The following BAIAP2 variants were observed in gnomAD, a reference collection of about 807,000 sequenced individuals.
BAIAP2 encodes BAR/IMD domain containing adaptor protein 2.
In BAIAP2, 18 loss-of-function variants were observed where a neutral mutation model predicts 63.0. The ratio of observed to expected loss-of-function variants is 0.29; its 90% CI spans 0.20 to 0.42. The LOEUF is 0.42. BAIAP2 is among the 10% of genes least tolerant of loss of function. BAIAP2 has a pLI of 1.00. For missense variants in BAIAP2, 610 were observed against 734.3 expected (o/e 0.83, Z 1.96); for synonymous variants, 386 against 307.6 (o/e 1.25, Z -2.67).
chr17:81,106,828 C>T lies in BAIAP2; in HGVS notation c.1421C>T (p.Ala474Val). Residue 474 changes from alanine to valine, a missense_variant, in exon 12 of 14, where the codon GCC (alanine) becomes GTC (valine). Ala to Val is a moderately conservative substitution (Grantham distance 64). Around this residue, in one of 5 missense-constraint regions of BAIAP2, gnomAD observed 114 missense variants for 98.2 expected, o/e 1.16. Transcript: ENST00000428708. Reference sequence around the variant, plus strand: ...ATCCCACCCCCCGATTACGGCGCCGCCTCCCGGGCCTTCCCCGCCCAGACG... The same window carrying T: ...ATCCCACCCCCCGATTACGGCGCCGTCTCCCGGGCCTTCCCCGCCCAGACG... ...LAIPPPDYGA[A>V]SRAFPAQTAS... The T allele has an allele frequency of 6.2e-7, 1 of 1,611,524 alleles. No individual in the cohort carries two copies. Among genetic ancestry groups the T allele is most frequent in the Non-Finnish European group, 8.5e-7 (1 of 1,179,272 alleles).
At chr17:81,108,245 T>C (rs1485268953) in intron 12 of BAIAP2, 2 of 593,858 alleles carry the variant, frequency 3.4e-6, no homozygotes, top group East Asian at 5.6e-5. Flanking sequence ...AGGTGGCCGC[T>C]GGCTGGAGGA....
At chr17:81,037,106 C>A in intron 1 of BAIAP2, 1 of 728,032 alleles carries the variant, frequency 1.4e-6, no homozygotes, top group South Asian at 1.8e-5. Flanking sequence ...CAGGAAAACT[C>A]TTAGGACTGA....
At chr17:81,102,120 C>T (rs560352116) in intron 7 of BAIAP2, among the ~76,000 whole-genome samples, 42 of 152,304 alleles carry the variant, frequency 2.8e-4, no homozygotes, top group Non-Finnish European at 4.4e-4. Context: ...GGCCCCCGGG[C>T]GTGTGTGGAA....
intron 6 of BAIAP2, among the ~76,000 whole-genome samples, chr17:81,091,212 C>CCCCACCCCAT (rs61684148): frequency 6.7e-6 from 1 of 149,336 alleles, no homozygotes; most frequent in African/African-American, 2.5e-5. Context: ...CCCCACCCCA[C>CCCCACCCCAT]AGGCCTCCTA....
chr17:81,052,053 G>T (rs775438892), intron 1 of BAIAP2, among the ~76,000 whole-genome samples: 28 of 152,204 alleles, frequency 1.8e-4, no homozygotes, highest in Non-Finnish European at 3.8e-4. Context: ...GCTTCATGCA[G>T]CCGGGCCTCA....
chr17:81,090,864 A>C (rs982498211), intron 6 of BAIAP2, among the ~76,000 whole-genome samples: 2 of 151,944 alleles, frequency 1.3e-5, no homozygotes, highest in African/African-American at 4.8e-5. Context: ...GCTGGTTCCC[A>C]TTGCCTTTGC....
intron 5 of BAIAP2, 116 bp downstream of exon 5, chr17:81,085,841 C>A: frequency 1.3e-6 from 1 of 769,278 alleles, no homozygotes; most frequent in South Asian, 1.6e-5. Flanking sequence ...TCCCCGTCCA[C>A]ATGGGCCCCA....
At position 81,038,902 on chromosome 17, in the gene BAIAP2, G is replaced by GAC. The variant is rs1568054030; in HGVS notation, c.54+3594_54+3595insAC. Among the ~76,000 whole-genome samples the GAC allele has an allele frequency of 7.9e-5, 12 of 151,498 alleles. No individual in the cohort carries two copies. The East Asian group carries it at 1.4e-3, about 17-fold the overall frequency. On this transcript the variant is annotated intron_variant, in intron 1 of 13. Coordinates refer to ENST00000428708, the MANE Select transcript of BAIAP2 (RefSeq NM_001144888.2). ...GGCATTGGAGTCGCCTTCCTGGGTG[G>GAC]GGGGGGCAGCAGACCCGGCACCTGA... is the stretch of plus-strand genomic sequence containing the variant.
At chr17:81,090,592 C>G (rs2056550400) in intron 6 of BAIAP2, among the ~76,000 whole-genome samples, 1 of 152,238 alleles carries the variant, frequency 6.6e-6, no homozygotes, top group African/African-American at 2.4e-5. Context: ...GGGTGGGAAA[C>G]AGAGGGAGCC....
At chr17:81,109,526 A>G (rs2059641991) in intron 13 of BAIAP2, 1 of 985,360 alleles carries the variant, frequency 1.0e-6, no homozygotes, top group African/African-American at 1.7e-5. Context: ...CGGACAGGGA[A>G]GGTGCTGGGG....
rs371384882 is a variant in BAIAP2 at position 81,086,449 on chromosome 17, C to T, written c.358C>T (p.Leu120=). 1.2e-6 allele frequency: 2 copies of T among 1,613,806 alleles called. No individual in the cohort carries two copies. Among genetic ancestry groups the T allele is most frequent in the African/African-American group, 1.3e-5 (1 of 74,928 alleles). Residue 120 remains leucine, a synonymous_variant, in exon 6 of 14, where the codon CTG becomes TTG. Coordinates refer to ENST00000428708, the MANE Select transcript of BAIAP2 (RefSeq NM_001144888.2). ...TTTATTGTTTGAATCTCAGGCTGCG[C>T]TGAAGAAATACCAGACTGAGCAAAG... ...ELDSRYLSAA[L]KKYQTEQRSK...
At chr17:81,097,321 C>T (rs566217968) in intron 6 of BAIAP2, among the ~76,000 whole-genome samples, 29 of 152,320 alleles carry the variant, frequency 1.9e-4, no homozygotes, top group African/African-American at 6.5e-4. Context: ...GCCTTGGGGA[C>T]AGCATGGTCT....
intron 1 of BAIAP2, among the ~76,000 whole-genome samples, chr17:81,048,040 G>A (rs1474978852): frequency 6.6e-6 from 1 of 152,246 alleles, no homozygotes; most frequent in Non-Finnish European, 1.5e-5. Context: ...CATCCTGCCA[G>A]GAAAGCGCTG....
chr17:81,106,814 C>T lies in BAIAP2; in HGVS notation c.1407C>T (p.Pro469=), dbSNP rs200377602. 10 of 1,612,306 alleles carry T rather than the reference C, an allele frequency of 6.2e-6. No homozygotes were observed. Among genetic ancestry groups the T allele is most frequent in the South Asian group, 1.1e-5 (1 of 91,056 alleles). The part of the protein sequence containing the change: ...LDKDDLAIPP[P]DYGAASRAFP... ...AGGACGACCTGGCCATCCCACCCCC[C>T]GATTACGGCGCCGCCTCCCGGGCCT... The change falls in exon 12 of 14, where the codon CCC becomes CCT. Residue 469 remains proline, a synonymous_variant. Coordinates refer to ENST00000428708, the MANE Select transcript of BAIAP2 (RefSeq NM_001144888.2).
intron 7 of BAIAP2, 140 bp from the exon 8 acceptor site, chr17:81,103,362 C>T (rs1345310988): frequency 3.8e-6 from 3 of 789,624 alleles, no homozygotes; most frequent in Non-Finnish European, 6.0e-6. Context: ...TCACGGGTGG[C>T]CTGTCTCGCC....
At chr17:81,066,271 C>T (rs2051449158) in intron 3 of BAIAP2, among the ~76,000 whole-genome samples, 1 of 152,228 alleles carries the variant, frequency 6.6e-6, no homozygotes, top group African/African-American at 2.4e-5. Context: ...GCCCGGCATC[C>T]CCAGGTGCCC....
chr17:81,084,834 G>T lies in BAIAP2; in HGVS notation c.220G>T (p.Asp74Tyr). Residue 74 changes from aspartate to tyrosine, a missense_variant and splice_region_variant, in exon 4 of 14, where the codon GAC becomes TAC. Coordinates refer to ENST00000428708, the MANE Select transcript of BAIAP2 (RefSeq NM_001144888.2). ...CCTTCTGCTGTTCTGCTTCCCAGGAGACGTTCTCTTCCAGATGGCTGAAGT... is the reference window on the plus strand; with the variant it reads ...CCTTCTGCTGTTCTGCTTCCCAGGATACGTTCTCTTCCAGATGGCTGAAGT... ...SESQGSKELG[D>Y]VLFQMAEVHR... The T allele has an allele frequency of 6.2e-7, 1 of 1,613,744 alleles. No individual in the cohort carries two copies. Among genetic ancestry groups the T allele is most frequent in the Non-Finnish European group, 8.5e-7 (1 of 1,180,008 alleles).
chr17:81,084,096 T>G (rs1464122526), intron 3 of BAIAP2, among the ~76,000 whole-genome samples: 13 of 152,216 alleles, frequency 8.5e-5, no homozygotes. Flanking sequence ...TTTTGATTTC[T>G]TAATCTGCAT....
intron 3 of BAIAP2, among the ~76,000 whole-genome samples, chr17:81,069,588 T>C (rs1285959363): frequency 6.6e-6 from 1 of 152,242 alleles, no homozygotes; most frequent in African/African-American, 2.4e-5. Context: ...TCCCTGCCTC[T>C]GCAGTAGCCC....
Sources: allele counts gnomAD v4.1 joint callset (sites outside exome capture counted in the v4.1 genomes callset), GRCh38; gene constraint gnomAD v4.1.1; regional missense constraint gnomAD v4.1.1; transcripts MANE v1.5; gene names NCBI Gene and HGNC (gene_info 2026-07-23, HGNC 2026-07-21).